The following KIAA1328 variants were observed in gnomAD, a reference collection of about 807,000 sequenced individuals.
The protein encoded by KIAA1328 is KIAA1328.
KIAA1328 carries 52 observed loss-of-function variants against 68.1 expected under a neutral mutation model. The ratio of observed to expected loss-of-function variants is 0.76; its 90% CI spans 0.61 to 0.96. The LOEUF is 0.96. KIAA1328 is among the 40% of genes least tolerant of loss of function. KIAA1328 has a pLI of 0.00. For synonymous variants in KIAA1328, 232 were observed against 239.4 expected (o/e 0.97, Z 0.28); for missense variants, 641 against 677.6 (o/e 0.95, Z 0.60).
intron 7 of KIAA1328, among the ~76,000 whole-genome samples, chr18:37,099,506 A>G (rs59042971): frequency 0.15 from 23,568 of 152,054 alleles, 1,956 homozygotes; most frequent in African/African-American, 0.2. Flanking sequence ...TATGTGGTCA[A>G]TTTTGTAATA....
chr18:37,112,928 A>G (rs1242291910), intron 7 of KIAA1328, among the ~76,000 whole-genome samples: 1 of 152,236 alleles, frequency 6.6e-6, no homozygotes, highest in African/African-American at 2.4e-5. Context: ...GATCAAATGA[A>G]TGAAATGAAG....
At chr18:36,935,999 T>G (rs1194127317) in intron 5 of KIAA1328, among the ~76,000 whole-genome samples, 1 of 152,192 alleles carries the variant, frequency 6.6e-6, no homozygotes, top group East Asian at 1.9e-4. Flanking sequence ...GCCAGGATAC[T>G]CAGCTTGTTG....
At chr18:37,218,229 G>T (rs1370614142) in intron 9 of KIAA1328, among the ~76,000 whole-genome samples, 1 of 152,358 alleles carries the variant, frequency 6.6e-6, no homozygotes, top group African/African-American at 2.4e-5. Context: ...TAAATGCTAT[G>T]CCAGACAGGA....
At chr18:37,060,660 A>C (rs945714545) in intron 6 of KIAA1328, among the ~76,000 whole-genome samples, 24 of 152,236 alleles carry the variant, frequency 1.6e-4, no homozygotes, top group Admixed American at 1.2e-3. Flanking sequence ...TCTAAAAAAA[A>C]AGACTTTTAT....
intron 6 of KIAA1328, among the ~76,000 whole-genome samples, chr18:37,038,783 C>T (rs566057574): frequency 1.3e-5 from 2 of 152,008 alleles, no homozygotes; most frequent in African/African-American, 4.8e-5. Context: ...TGTTTCTGAT[C>T]TTGGAGGAAA....
Position 37,052,565 on chromosome 18 carries a change from C to T in KIAA1328, c.577-14325C>T, listed in dbSNP as rs569546031. Reference sequence around the variant, plus strand: ...ACGTCAAATTATCTCTGTTCACTGACGACATAATCCTATATCTAAAAAAAA... The same window carrying T: ...ACGTCAAATTATCTCTGTTCACTGATGACATAATCCTATATCTAAAAAAAA... On this transcript the variant is annotated intron_variant, in intron 6 of 9. Coordinates refer to ENST00000280020, the MANE Select transcript of KIAA1328 (RefSeq NM_020776.3). Among the ~76,000 whole-genome samples, 21 of 151,868 alleles carry T rather than the reference C, an allele frequency of 1.4e-4. No individual in the cohort carries two copies. The South Asian group carries it at 2.1e-3, about 15-fold the overall frequency.
At chr18:37,184,890 G>C (rs555083134) in intron 9 of KIAA1328, among the ~76,000 whole-genome samples, 1 of 152,126 alleles carries the variant, frequency 6.6e-6, no homozygotes, top group African/African-American at 2.4e-5. Context: ...TTGGCCAGGC[G>C]TGGTGGCTCA....
In KIAA1328 at chr18:36,845,129, G is replaced by A. The variant is rs548068673; in HGVS notation, c.332+827G>A. 2.0e-5 allele frequency among the ~76,000 whole-genome samples: 3 copies of A among 151,850 alleles called. No homozygotes were observed. In the South Asian group the frequency reaches 6.2e-4, roughly 31 times the overall value. On this transcript the variant is annotated intron_variant, in intron 4 of 9. Transcript: ENST00000280020. ...AAGTCATACAATCATGGGTATCAAAGATGACTATAAAAAAGTGATGTTTTG... is the reference window on the plus strand; with the variant it reads ...AAGTCATACAATCATGGGTATCAAAAATGACTATAAAAAAGTGATGTTTTG...
At chr18:37,096,578 T>C (rs935360859) in intron 7 of KIAA1328, among the ~76,000 whole-genome samples, 5 of 152,180 alleles carry the variant, frequency 3.3e-5, no homozygotes, top group Admixed American at 6.5e-5. Flanking sequence ...TTTATAATCC[T>C]TTGGGTATAT....
chr18:37,142,323 C>T (rs2058784490), intron 7 of KIAA1328, among the ~76,000 whole-genome samples: 1 of 152,030 alleles, frequency 6.6e-6, no homozygotes, highest in South Asian at 2.1e-4. Flanking sequence ...TCTTGAGTAG[C>T]TGGGATTACA....
chr18:36,844,653 G>GCAT (rs1436523414), intron 4 of KIAA1328, among the ~76,000 whole-genome samples: 1 of 151,786 alleles, frequency 6.6e-6, no homozygotes, highest in Non-Finnish European at 1.5e-5. Flanking sequence ...TTTTCCTTCA[G>GCAT]CATCTGAAGA....
At chr18:37,140,390 A>G (rs2058741273) in intron 7 of KIAA1328, among the ~76,000 whole-genome samples, 1 of 152,174 alleles carries the variant, frequency 6.6e-6, no homozygotes, top group Non-Finnish European at 1.5e-5. Flanking sequence ...TAAGGAATGC[A>G]AATACATATG....
intron 9 of KIAA1328, among the ~76,000 whole-genome samples, chr18:37,214,878 G>A (rs1018661527): frequency 6.6e-6 from 1 of 152,130 alleles, no homozygotes; most frequent in Non-Finnish European, 1.5e-5. Flanking sequence ...TCCCTTGTAA[G>A]TTGTATTCTT....
chr18:37,199,780 T>C (rs763985318), intron 9 of KIAA1328, among the ~76,000 whole-genome samples: 5 of 152,218 alleles, frequency 3.3e-5, no homozygotes, highest in Non-Finnish European at 7.4e-5. Context: ...TTTTTAATAA[T>C]TGCCATTCTG....
At chr18:37,116,283 A>G (rs1418668564) in intron 7 of KIAA1328, among the ~76,000 whole-genome samples, 1 of 152,222 alleles carries the variant, frequency 6.6e-6, no homozygotes, top group African/African-American at 2.4e-5. Context: ...ACAGTAACCA[A>G]AACAGCATGG....
chr18:37,118,009 T>TTTC (rs56005300), intron 7 of KIAA1328, among the ~76,000 whole-genome samples: 1 of 54,078 alleles, frequency 1.8e-5, no homozygotes, highest in African/African-American at 1.9e-4. Context: ...GCTTTCTTTC[T>TTTC]TTTTTTTTTT....
intron 6 of KIAA1328, among the ~76,000 whole-genome samples, chr18:36,988,383 T>C (rs1047157883): frequency 6.6e-6 from 1 of 152,200 alleles, no homozygotes; most frequent in African/African-American, 2.4e-5. Flanking sequence ...GCAAACTTCA[T>C]TGATTTACTC....
chr18:37,028,203 T>G (rs2054671961), intron 6 of KIAA1328, among the ~76,000 whole-genome samples: 1 of 152,190 alleles, frequency 6.6e-6, no homozygotes, highest in South Asian at 2.1e-4. Context: ...AGTAATGACC[T>G]CTAGCTCCAT....
At chr18:36,895,913 G>A in intron 5 of KIAA1328, 1 of 377,574 alleles carries the variant, frequency 2.6e-6, no homozygotes, top group South Asian at 2.0e-5. Context: ...GTAGAAGCCT[G>A]AAAGCCAAGA....
Sources: allele counts gnomAD v4.1 joint callset (sites outside exome capture counted in the v4.1 genomes callset), GRCh38; gene constraint gnomAD v4.1.1; transcripts MANE v1.5; gene names NCBI Gene and HGNC (gene_info 2026-07-23, HGNC 2026-07-21).